The following EVC2 variants were observed in gnomAD, a reference collection of about 807,000 sequenced individuals.
EVC2 encodes limbin.
Under a neutral mutation model 149.3 loss-of-function variants are expected in EVC2, and 148 were observed. The observed-to-expected ratio is 0.99, with a 90% confidence interval of 0.87 to 1.14. EVC2 has a LOEUF of 1.14. EVC2 is among the 50% of genes most tolerant of loss of function. The pLI is 0.00. For missense variants in EVC2, 1,854 were observed against 1,627.3 expected (o/e 1.14, Z -2.40); for synonymous variants, 776 against 649.9 (o/e 1.19, Z -2.95).
the EVC2 span, among the ~76,000 whole-genome samples, chr4:5,537,170 C>T: frequency 6.6e-6 from 1 of 152,182 alleles, no homozygotes; most frequent in Admixed American, 6.5e-5. Context: ...CCTTGGGAGA[C>T]TTTCCAGGCA....
At chr4:5,547,407 TGAGGC>T (rs1721643269) in intron 21 of EVC2, among the ~76,000 whole-genome samples, 1 of 152,184 alleles carries the variant, frequency 6.6e-6, no homozygotes, top group Non-Finnish European at 1.5e-5. Context: ...AGATCCCCAG[TGAGGC>T]ACCACCTTCA....
chr4:5,537,407 C>T, the EVC2 span, among the ~76,000 whole-genome samples: 1 of 152,010 alleles, frequency 6.6e-6, no homozygotes, highest in Non-Finnish European at 1.5e-5. Context: ...GTGCTCACAC[C>T]AGCCGGGAAA....
Position 5,623,831 on chromosome 4 carries a change from A to G in EVC2, c.2047-840T>C, listed in dbSNP as rs1443800753. 3.3e-5 allele frequency among the ~76,000 whole-genome samples: 5 copies of G among 152,274 alleles called. No individual in the cohort carries two copies. In the East Asian group the frequency reaches 9.6e-4, roughly 29 times the overall value. ...CTGCGCCTCCATTTCCCTATCTGTA[A>G]AATGGGGATAATAATAGGACCTCCC... On this transcript the variant is annotated intron_variant, in intron 13 of 21. Transcript: ENST00000344408.
intron 1 of EVC2, among the ~76,000 whole-genome samples, chr4:5,707,270 G>C (rs1337206696): frequency 6.6e-6 from 1 of 152,188 alleles, no homozygotes. Flanking sequence ...CGTTTTTCCA[G>C]TGAAAACCTA....
chr4:5,576,123 A>G lies in EVC2; in HGVS notation c.3272+117T>C, dbSNP rs1722906660. Reference sequence around the variant, plus strand: ...GCTCGTGTTGGAGCAATGGGATGACACCTTAGGCAAGAGGGTGAGAGCCCA... The same window carrying G: ...GCTCGTGTTGGAGCAATGGGATGACGCCTTAGGCAAGAGGGTGAGAGCCCA... On this transcript the variant is annotated intron_variant, in intron 18 of 21. Coordinates refer to ENST00000344408, the MANE Select transcript of EVC2 (RefSeq NM_147127.5). This position sits in a 1 kb window ranked among gnomAD's most constrained non-coding sequence, Gnocchi z 4.5. 6.4e-7 allele frequency: 1 copy of G among 1,552,426 alleles called. No individual in the cohort carries two copies. The highest frequency in any genetic ancestry group is 8.8e-7 in the Non-Finnish European group (1 of 1,134,986).
At chr4:5,702,260 C>A (rs1216556726) in intron 1 of EVC2, among the ~76,000 whole-genome samples, 1 of 152,210 alleles carries the variant, frequency 6.6e-6, no homozygotes, top group East Asian at 1.9e-4. Flanking sequence ...TCAGACCACT[C>A]TGCCCACTGT....
intron 19 of EVC2, among the ~76,000 whole-genome samples, chr4:5,571,783 G>T (rs566385805): frequency 9.2e-5 from 14 of 152,300 alleles, no homozygotes; most frequent in African/African-American, 3.4e-4. Context: ...TCCTCTTGTT[G>T]TTTCTGTGGG....
intron 9 of EVC2, among the ~76,000 whole-genome samples, chr4:5,660,268 T>C (rs960298277): frequency 6.6e-6 from 1 of 152,186 alleles, no homozygotes; most frequent in Admixed American, 6.5e-5. Flanking sequence ...GCCCTGCACT[T>C]ACGAGGCTCC....
At chr4:5,665,213 A>C (rs967836226) in intron 8 of EVC2, among the ~76,000 whole-genome samples, 1 of 152,120 alleles carries the variant, frequency 6.6e-6, no homozygotes, top group African/African-American at 2.4e-5. Flanking sequence ...GGAAGGCTGA[A>C]GCAGGAGGAC....
At chr4:5,629,946 T>C (rs7689275) in intron 11 of EVC2, among the ~76,000 whole-genome samples, 68,864 of 152,138 alleles carry the variant, frequency 0.45, 19,021 homozygotes, top group African/African-American at 0.77. Flanking sequence ...AGTTACTTTC[T>C]GGCATAATAT....
chr4:5,623,089 G>T, intron 13 of EVC2, 98 bp from the exon 14 acceptor site: 3 of 1,104,656 alleles, frequency 2.7e-6, no homozygotes, highest in Non-Finnish European at 3.9e-6. Flanking sequence ...AATGTTTATA[G>T]CCTTTTCCCC....
At position 5,563,962 on chromosome 4, in the gene EVC2, C is replaced by T. The variant is rs532870060; in HGVS notation, c.3660-847G>A. Among the ~76,000 whole-genome samples the T allele has an allele frequency of 5.9e-5, 9 of 152,228 alleles. No individual in the cohort carries two copies. The East Asian group carries it at 1.7e-3, about 29-fold the overall frequency. On this transcript the variant is annotated intron_variant, in intron 21 of 21. Transcript: ENST00000344408. The stretch of plus-strand genomic sequence containing the variant: ...GCCATGGGCAGTCCAACCCCTGACT[C>T]CCAGGCTGCTCTTGATAATGATCGT...
intron 9 of EVC2, among the ~76,000 whole-genome samples, chr4:5,642,409 T>C (rs947926171): frequency 2.6e-4 from 39 of 152,340 alleles, no homozygotes; most frequent in African/African-American, 9.4e-4. Context: ...GTTATAGGTA[T>C]CTTCCAGTGG....
intron 1 of EVC2, among the ~76,000 whole-genome samples, chr4:5,707,443 C>A (rs571883974): frequency 6.6e-6 from 1 of 152,090 alleles, no homozygotes; most frequent in East Asian, 1.9e-4. Flanking sequence ...CCAGGGCAGT[C>A]CTGGGAATAG....
chr4:5,691,000 A>C (rs1326310550), intron 4 of EVC2, among the ~76,000 whole-genome samples: 1 of 152,220 alleles, frequency 6.6e-6, no homozygotes, highest in African/African-American at 2.4e-5. Flanking sequence ...ATAATCTGAA[A>C]CAAAATATAT....
rs192742087 is a variant in EVC2 at position 5,568,721 on chromosome 4, G to A, written c.3361-81C>T. ...CATTTTTAATTTATCACATTCTGAG[G>A]ACATTCTGTCCTGGAGTGATAAATA... is the stretch of plus-strand genomic sequence containing the variant. On this transcript the variant is annotated intron_variant, in intron 19 of 21. Coordinates refer to ENST00000344408, the MANE Select transcript of EVC2 (RefSeq NM_147127.5). 168 of 1,419,356 alleles carry A rather than the reference G, an allele frequency of 1.2e-4. No homozygotes were observed. The African/African-American group carries it at 2.1e-3, about 18-fold the overall frequency. The allele number at this position is 1,419,356 out of a possible 1,614,324, so 87.9% of individuals were successfully genotyped here.
chr4:5,635,502 A>C (rs1379408191), intron 10 of EVC2, among the ~76,000 whole-genome samples: 1 of 152,004 alleles, frequency 6.6e-6, no homozygotes, highest in African/African-American at 2.4e-5. Flanking sequence ...GGGGGCATAA[A>C]CCTTAAGGGA....
At position 5,622,277 on chromosome 4, in the gene EVC2, A is replaced by G. The variant is rs1715744165; in HGVS notation, c.2501+260T>C. ...ACAAGGCAATCACATTTTCCCCTGG[A>G]AGCCAGGGGCCACCCATCCTCTTGT... On this transcript the variant is annotated intron_variant, in intron 14 of 21. Coordinates refer to ENST00000344408, the MANE Select transcript of EVC2 (RefSeq NM_147127.5). This position sits in a 1 kb window ranked among gnomAD's most constrained non-coding sequence, Gnocchi z 5.8. Among the ~76,000 whole-genome samples the G allele has an allele frequency of 6.6e-6, 1 of 152,042 alleles. No individual in the cohort carries two copies.
intron 21 of EVC2, among the ~76,000 whole-genome samples, chr4:5,544,770 C>T (rs1417599184): frequency 6.6e-6 from 1 of 152,114 alleles, no homozygotes; most frequent in Non-Finnish European, 1.5e-5. Flanking sequence ...AGTGAGTGAC[C>T]ACCGTTGGAT....
Sources: gnomAD v4.1 joint callset for allele counts (sites outside exome capture counted in the v4.1 genomes callset) on GRCh38, gnomAD v4.1.1 for gene constraint, Gnocchi (gnomAD v3.1) non-coding constraint, MANE v1.5 for transcripts, NCBI Gene and HGNC (gene_info 2026-07-23, HGNC 2026-07-21) for gene names.